The following HGFAC variants were observed in gnomAD, a reference collection of about 807,000 sequenced individuals.
HGFAC encodes the protein hepatocyte growth factor activator serine protease.
A neutral mutation model predicts 70.6 loss-of-function variants in HGFAC; 76 were observed. That is an observed-to-expected ratio of 1.08 (90% CI 0.89 to 1.30). HGFAC has a LOEUF of 1.30. Ranked by LOEUF, HGFAC falls within the 50% of genes most tolerant of loss-of-function variation. HGFAC has a pLI of 0.00. For synonymous variants in HGFAC, 464 were observed against 405.3 expected (o/e 1.14, Z -1.74); for missense variants, 1,044 against 933.7 (o/e 1.12, Z -1.54).
At chr4:3,441,826 T>G, upstream of HGFAC, 1 of 506,858 alleles carries the variant, frequency 2.0e-6, no homozygotes. The surrounding 1 kb of genome is among the most constrained non-coding windows in gnomAD (Gnocchi z 6.0). Flanking sequence ...CCAGGTAGGG[T>G]CAAAGTGAGG....
rs1725427166 is a variant in HGFAC, at chr4:3,444,453, G to C, written c.730+11G>C. 1 of 1,582,272 alleles carries C rather than the reference G, an allele frequency of 6.3e-7. No homozygotes were observed. Among genetic ancestry groups the C allele is most frequent in the East Asian group, 2.3e-5 (1 of 44,210 alleles). On this transcript the variant is annotated intron_variant, in intron 6 of 13. Transcript: ENST00000382774. The stretch of plus-strand genomic sequence containing the variant: ...GCACCCGACATACAGGTGCGCCACG[G>C]GGTGTGAGCCGTGCCACTGACCCCT...
At position 3,446,196 on chromosome 4, in the gene HGFAC, C is replaced by G. The variant is rs765890557; in HGVS notation, c.1257C>G (p.His419Gln). Residue 419 changes from histidine to glutamine, a missense_variant, in exon 10 of 14, where the codon CAC becomes CAG. Coordinates refer to ENST00000382774, the MANE Select transcript of HGFAC (RefSeq NM_001528.4). The stretch of plus-strand genomic sequence containing the variant: ...GCTCCTCCTCGCTGCCCGGCTCGCA[C>G]CCCTGGCTGGCCGCCATCTACATCG... ...IGGSSSLPGS[H>Q]PWLAAIYIGD... 7 of 1,611,110 alleles carry G rather than the reference C, an allele frequency of 4.3e-6. No homozygotes were observed. The highest frequency in any genetic ancestry group is 2.2e-5 in the East Asian group (1 of 44,848).
intron 11 of HGFAC, 32 bp from the exon 12 acceptor site, chr4:3,447,863 C>A: frequency 6.2e-7 from 1 of 1,603,012 alleles, no homozygotes; most frequent in Non-Finnish European, 8.5e-7. Flanking sequence ...GCCCGCACAC[C>A]ACAGGCTGAC....
intron 10 of HGFAC, among the ~76,000 whole-genome samples, chr4:3,447,015 C>A (rs780950164): frequency 6.6e-6 from 1 of 152,182 alleles, no homozygotes; most frequent in Non-Finnish European, 1.5e-5. Context: ...GAGCCCAGGG[C>A]AGGAGGCCGA....
Position 3,446,242 on chromosome 4 carries a change from A to G in HGFAC, c.1303A>G (p.Ser435Gly). The G allele has an allele frequency of 6.2e-7, 1 of 1,610,562 alleles. No homozygotes were observed. Among genetic ancestry groups the G allele is most frequent in the Non-Finnish European group, 8.5e-7 (1 of 1,179,320 alleles). ...IYIGDSFCAG[S>G]LVHTCWVVSA... Reference sequence around the variant, plus strand: ...CATCGGGGACAGCTTCTGCGCCGGGAGCCTGGTCCACACCTGCTGGGTGGT... The same window carrying G: ...CATCGGGGACAGCTTCTGCGCCGGGGGCCTGGTCCACACCTGCTGGGTGGT... Residue 435 changes from serine to glycine, a missense_variant, in exon 10 of 14, where the codon AGC becomes GGC. Coordinates refer to ENST00000382774, the MANE Select transcript of HGFAC (RefSeq NM_001528.4).
At chr4:3,448,063 C>T in intron 12 of HGFAC, 28 bp downstream of exon 12, 1 of 1,555,556 alleles carries the variant, frequency 6.4e-7, no homozygotes, top group Non-Finnish European at 8.7e-7. Context: ...CGCCCAGCGC[C>T]CCGCCAGGGT....
upstream of HGFAC, chr4:3,441,905 G>A: frequency 1.5e-6 from 1 of 658,590 alleles, no homozygotes; most frequent in Non-Finnish European, 2.4e-6. The surrounding 1 kb of genome is among the most constrained non-coding windows in gnomAD (Gnocchi z 6.0). Context: ...TGACGTGGGA[G>A]GCAGCCAGGG....
rs1228732618 is a variant in HGFAC, at chr4:3,442,924, G to A, written c.298+12G>A. ...CCCCCAGGCCCAAGGTGGGTCAGGT[G>A]GGCCTGGGAGGAGGTGTCGTGCTTC... On this transcript the variant is annotated intron_variant, in intron 2 of 13. Transcript: ENST00000382774. The A allele has an allele frequency of 6.4e-7, 1 of 1,561,116 alleles. No individual in the cohort carries two copies. Among genetic ancestry groups the A allele is most frequent in the Non-Finnish European group, 8.7e-7 (1 of 1,154,110 alleles).
Position 3,444,138 on chromosome 4 carries a change from T to C in HGFAC, c.575T>C (p.Phe192Ser). The C allele has an allele frequency of 6.2e-7, 1 of 1,611,090 alleles. No homozygotes were observed. Among genetic ancestry groups the C allele is most frequent in the Non-Finnish European group, 8.5e-7 (1 of 1,179,208 alleles). ...TATCACTGCAGCTGCCCCCGGGCCT[T>C]CACCGGCAAGGACTGCGGCACAGGT... ...QSYHCSCPRA[F>S]TGKDCGTEKC... Residue 192 changes from phenylalanine to serine, a missense_variant, in exon 5 of 14, where the codon TTC becomes TCC. Transcript: ENST00000382774.
chr4:3,448,294 C>A lies in HGFAC; in HGVS notation c.1785+18C>A, dbSNP rs376176631. The A allele has an allele frequency of 5.0e-5, 80 of 1,605,630 alleles. 1 individual carries two copies. The highest frequency in any genetic ancestry group is 3.8e-4 in the East Asian group (17 of 44,788). Reference sequence around the variant, plus strand: ...CCTGCCAGGTGAGCTGGTGCCCGCCCCACCAGGACCCGACTGGTGGGGGCT... The same window carrying A: ...CCTGCCAGGTGAGCTGGTGCCCGCCACACCAGGACCCGACTGGTGGGGGCT... On this transcript the variant is annotated intron_variant, in intron 13 of 13. Coordinates refer to ENST00000382774, the MANE Select transcript of HGFAC (RefSeq NM_001528.4).
intron 10 of HGFAC, 114 bp from the exon 11 acceptor site, chr4:3,447,378 C>G: frequency 8.2e-7 from 1 of 1,223,192 alleles, no homozygotes; most frequent in Non-Finnish European, 1.2e-6. Flanking sequence ...GACCCCTCCC[C>G]GGGACCAGGG....
At chr4:3,445,829 T>A (rs1206004568) in intron 9 of HGFAC, 1 of 1,507,402 alleles carries the variant, frequency 6.6e-7, no homozygotes, top group South Asian at 1.2e-5. Flanking sequence ...CCAGCCCCTC[T>A]GGCCCTCACA....
At chr4:3,444,772 C>T in intron 7 of HGFAC, 39 bp downstream of exon 7, 4 of 1,575,318 alleles carry the variant, frequency 2.5e-6, no homozygotes, top group Non-Finnish European at 2.6e-6. Flanking sequence ...TGGGGCAGTG[C>T]CGGGTGGACC....
chr4:3,447,225 C>T (rs1239744643), intron 10 of HGFAC, among the ~76,000 whole-genome samples: 2 of 152,208 alleles, frequency 1.3e-5, no homozygotes, highest in Non-Finnish European at 2.9e-5. Flanking sequence ...GAGACTCCCC[C>T]CAGGGCTTGT....
Position 3,442,052 on chromosome 4 carries a change from C to T in HGFAC, c.51C>T (p.Gly17=). The T allele has an allele frequency of 1.3e-6, 2 of 1,545,780 alleles. No homozygotes were observed. Among genetic ancestry groups the T allele is most frequent in the South Asian group, 1.2e-5 (1 of 82,974 alleles). The change falls in exon 1 of 14, where the codon GGC becomes GGT. Residue 17 remains glycine (G), a synonymous_variant. Transcript: ENST00000382774. ...GCCCCTGGCCCCCACCGGGGCTGGG[C>T]CCCTTCCTCCTCCTCCTCCTGCTGC... ...VPSPWPPPGL[G]PFLLLLLLLL...
intron 11 of HGFAC, 54 bp from the exon 12 acceptor site, chr4:3,447,841 G>A: frequency 6.3e-7 from 1 of 1,589,470 alleles, no homozygotes; most frequent in Non-Finnish European, 8.6e-7. Context: ...GGCCCCGACA[G>A]CCTCCCGTTC....
rs138512609 is a variant in HGFAC at position 3,442,799 on chromosome 4, C to T, written c.185C>T (p.Ser62Phe). ...TPAIPTILVT[S>F]VTSETPATSA... ...GCGATCCCCACTATCCTGGTGACCT[C>T]TGTGACCTCTGAGACCCCAGCAACA... Residue 62 changes from serine (S) to phenylalanine (F), a missense_variant, in exon 2 of 14, where the codon TCT becomes TTT. Physicochemically the swap from Ser to Phe is radical, Grantham distance 155. Transcript: ENST00000382774. 1.9e-6 allele frequency: 3 copies of T among 1,585,770 alleles called. No homozygotes were observed. Among genetic ancestry groups the T allele is most frequent in the Admixed American group, 1.9e-5 (1 of 53,412 alleles).
In HGFAC at chr4:3,447,594, C is replaced by T; in HGVS notation, c.1458C>T (p.Thr486=). 2 of 1,612,698 alleles carry T rather than the reference C, an allele frequency of 1.2e-6. No individual in the cohort carries two copies. Among genetic ancestry groups the T allele is most frequent in the Non-Finnish European group, 1.7e-6 (2 of 1,179,892 alleles). ...GCATCGAGAAGTACATCCCGTACAC[C>T]CTGTACTCGGTGTTCAACCCCAGCG... The part of the protein sequence containing the change: ...TFGIEKYIPY[T]LYSVFNPSDH... The change falls in exon 11 of 14, where the codon ACC becomes ACT. Residue 486 remains threonine, a synonymous_variant. Coordinates refer to ENST00000382774, the MANE Select transcript of HGFAC (RefSeq NM_001528.4).
At chr4:3,448,796 C>T (rs901637103) in intron 13 of HGFAC, among the ~76,000 whole-genome samples, 6 of 151,932 alleles carry the variant, frequency 3.9e-5, no homozygotes, top group Non-Finnish European at 5.9e-5. Context: ...AGTCAATTCA[C>T]TCTTCCAAGG....
Sources: allele counts gnomAD v4.1 joint callset (sites outside exome capture counted in the v4.1 genomes callset), GRCh38; gene constraint gnomAD v4.1.1; non-coding constraint Gnocchi (gnomAD v3.1); transcripts MANE v1.5; gene names NCBI Gene and HGNC (gene_info 2026-07-23, HGNC 2026-07-21).